The following ZNF416 variants were observed in gnomAD, a reference collection of about 807,000 sequenced individuals.
The protein encoded by ZNF416 is zinc finger protein 416.
A neutral mutation model predicts 10.9 loss-of-function variants in ZNF416; 5 were observed. The ratio of observed to expected loss-of-function variants is 0.46; its 90% CI spans 0.24 to 0.97. The LOEUF is 0.97. ZNF416 is among the 50% of genes least tolerant of loss of function. The pLI is 0.19. For synonymous variants in ZNF416, 267 were observed against 251.8 expected (o/e 1.06, Z -0.57); for missense variants, 675 against 715.0 (o/e 0.94, Z 0.64).
chr19:57,576,329 C>A (rs187921271), intron 2 of ZNF416, among the ~76,000 whole-genome samples: 23 of 152,274 alleles, frequency 1.5e-4, no homozygotes, highest in African/African-American at 5.3e-4. Context: ...GCACATCACT[C>A]TTTGAAGCAC....
chr19:57,573,349 G>GC lies in ZNF416; in HGVS notation c.554dup (p.Ile186HisfsTer9). ...TAGCAATAGCTTGCGGCTGAAGAATGCCCAATGGGGCTAGGAAGTCCTTCC... is the reference window on the plus strand; with the variant it reads ...TAGCAATAGCTTGCGGCTGAAGAATGCCCCAATGGGGCTAGGAAGTCCTTCC... On this transcript the variant is annotated frameshift_variant, in exon 4 of 4. Transcript: ENST00000196489. LOFTEE classifies it low-confidence loss of function (END_TRUNC). The GC allele has an allele frequency of 6.2e-7, 1 of 1,614,250 alleles. No homozygotes were observed. The highest frequency in any genetic ancestry group is 1.6e-4 in the Middle Eastern group (1 of 6,062).
intron 1 of ZNF416, 68 bp downstream of exon 1, chr19:57,578,592 ACGCAAGCAGGCG>A: frequency 7.1e-7 from 1 of 1,407,596 alleles, no homozygotes; most frequent in South Asian, 1.5e-5. Flanking sequence ...GGCTGCAGGG[ACGCAAGCAGGCG>A]CCCCTCATGC....
At chr19:57,578,496 T>C in intron 1 of ZNF416, 176 bp downstream of exon 1, 1 of 673,056 alleles carries the variant, frequency 1.5e-6, no homozygotes, top group Non-Finnish European at 2.3e-6. Context: ...CCCCTCCGCC[T>C]GCCACACCCT....
rs1491111421 is a variant in ZNF416 at position 57,572,186 on chromosome 19, G to GA, written c.1717_1718insT (p.Thr573IlefsTer7). On this transcript the variant is annotated frameshift_variant, in exon 4 of 4. Coordinates refer to ENST00000196489, the MANE Select transcript of ZNF416 (RefSeq NM_017879.3). LOFTEE classifies it low-confidence loss of function (END_TRUNC). This position sits in a 1 kb window ranked among gnomAD's most constrained non-coding sequence, Gnocchi z 4.5. ...GCTGCTGTCACGAGGCCTCTCCACA[G>GA]TGTGAGATTTTCGGTGGAGAATGAG... is the stretch of plus-strand genomic sequence containing the variant. 2.5e-6 allele frequency: 4 copies of GA among 1,614,224 alleles called. No homozygotes were observed. The highest frequency in any genetic ancestry group is 3.4e-6 in the Non-Finnish European group (4 of 1,180,034).
chr19:57,578,625 A>G (rs781517484), intron 1 of ZNF416, 47 bp downstream of exon 1: 2 of 1,510,828 alleles, frequency 1.3e-6, no homozygotes, highest in African/African-American at 2.9e-5. Flanking sequence ...AGGGTGTTGG[A>G]TTTCCGGCGG....
chr19:57,578,367 G>T (rs1359904748), intron 1 of ZNF416: 2 of 571,740 alleles, frequency 3.5e-6, no homozygotes, highest in Non-Finnish European at 6.2e-6. Flanking sequence ...CAGACCATGT[G>T]CCTCGTCTGT....
chr19:57,577,965 CAA>C, intron 2 of ZNF416, 90 bp downstream of exon 2: 1 of 1,411,686 alleles, frequency 7.1e-7, no homozygotes, highest in South Asian at 1.2e-5. Context: ...ACCAAGGACC[CAA>C]AGAGTGCCAA....
intron 2 of ZNF416, among the ~76,000 whole-genome samples, chr19:57,577,719 C>T (rs1347381330): frequency 1.3e-5 from 2 of 152,214 alleles, no homozygotes; most frequent in African/African-American, 2.4e-5. Context: ...CGACAACTGA[C>T]AGCCATTTTT....
intron 3 of ZNF416, among the ~76,000 whole-genome samples, chr19:57,574,393 C>T (rs1297585108): frequency 1.3e-5 from 2 of 152,246 alleles, no homozygotes; most frequent in East Asian, 1.9e-4. Flanking sequence ...CTTCTACCTT[C>T]TGACCACTGA....
At chr19:57,576,343 C>G (rs1978534007) in intron 2 of ZNF416, among the ~76,000 whole-genome samples, 1 of 152,124 alleles carries the variant, frequency 6.6e-6, no homozygotes, top group Admixed American at 6.5e-5. Context: ...GAAGCACACA[C>G]TCTCTCAAAC....
rs778858372 is a variant in ZNF416, at chr19:57,573,593, T to C, written c.311A>G (p.Gln104Arg). The C allele has an allele frequency of 2.5e-6, 4 of 1,614,190 alleles. No homozygotes were observed. Among genetic ancestry groups the C allele is most frequent in the Middle Eastern group, 1.6e-4 (1 of 6,062 alleles). Residue 104 changes from glutamine (Q) to arginine (R), a missense_variant, in exon 4 of 4, where the codon CAA (glutamine) becomes CGA (arginine). Coordinates refer to ENST00000196489, the MANE Select transcript of ZNF416 (RefSeq NM_017879.3). ...GAATGGGACACACATGTCACAGGATTGAATCTTCTGGGTGGATGGACTGGC... is the reference window on the plus strand; with the variant it reads ...GAATGGGACACACATGTCACAGGATCGAATCTTCTGGGTGGATGGACTGGC... The part of the protein sequence containing the change: ...PEASPSTQKI[Q>R]SCDMCVPFLT...
At chr19:57,577,920 G>T (rs1308795257) in intron 2 of ZNF416, 137 bp downstream of exon 2, 2 of 880,568 alleles carry the variant, frequency 2.3e-6, no homozygotes, top group East Asian at 4.9e-5. Context: ...CTGGATGTAT[G>T]ACCCTGGGAC....
At chr19:57,576,612 C>T (rs1011199198) in intron 2 of ZNF416, among the ~76,000 whole-genome samples, 1 of 151,968 alleles carries the variant, frequency 6.6e-6, no homozygotes, top group Non-Finnish European at 1.5e-5. Flanking sequence ...ACCGATGGCC[C>T]TCTTGCACTA....
rs1978396599 is a variant in ZNF416, at chr19:57,573,436, G to A, written c.468C>T (p.Ala156=). ...GGAACAGGCAGCACTGCACAAATGA[G>A]GCCTTGTCCATGTCACTTTCCAAGG... ...EKPLESDMDK[A]SFVQCCLFHE... The change falls in exon 4 of 4, where the codon GCC becomes GCT. Residue 156 remains alanine, a synonymous_variant. Coordinates refer to ENST00000196489, the MANE Select transcript of ZNF416 (RefSeq NM_017879.3). 1.9e-6 allele frequency: 3 copies of A among 1,614,220 alleles called. No individual in the cohort carries two copies. The highest frequency in any genetic ancestry group is 1.7e-6 in the Non-Finnish European group (2 of 1,180,034).
intron 2 of ZNF416, among the ~76,000 whole-genome samples, chr19:57,576,578 C>T (rs2123397787): frequency 6.6e-6 from 1 of 152,192 alleles, no homozygotes; most frequent in East Asian, 1.9e-4. Context: ...TCCTCAGTCA[C>T]CCAGAAATAC....
At chr19:57,573,914 C>T (rs1258967827) in intron 3 of ZNF416, among the ~76,000 whole-genome samples, 3 of 152,120 alleles carry the variant, frequency 2.0e-5, no homozygotes, top group Non-Finnish European at 4.4e-5. Flanking sequence ...GTGGGTGCTA[C>T]TCAAGAGGCT....
intron 2 of ZNF416, among the ~76,000 whole-genome samples, chr19:57,577,442 A>C (rs1218559328): frequency 2.0e-5 from 3 of 152,060 alleles, no homozygotes; most frequent in African/African-American, 7.2e-5. Flanking sequence ...CTACTTTTCT[A>C]TCTCAAAATC....
Position 57,575,585 on chromosome 19 carries a change from G to A in ZNF416, c.202+219C>T, listed in dbSNP as rs1202616694. 6.6e-6 allele frequency among the ~76,000 whole-genome samples: 1 copy of A among 152,124 alleles called. No homozygotes were observed. Among genetic ancestry groups the A allele is most frequent in the Non-Finnish European group, 1.5e-5 (1 of 68,032 alleles). ...GAAGAAGTAAACGGAGATGCATTAG[G>A]CTGACTCAAGACACCTAACAGCCAG... On this transcript the variant is annotated intron_variant, in intron 3 of 3. Coordinates refer to ENST00000196489, the MANE Select transcript of ZNF416 (RefSeq NM_017879.3). The surrounding 1 kb of genome is among the most constrained non-coding windows in gnomAD (Gnocchi z 4.4).
Position 57,575,511 on chromosome 19 carries a change from T to G in ZNF416, c.202+293A>C, listed in dbSNP as rs1021929199. 6.6e-6 allele frequency among the ~76,000 whole-genome samples: 1 copy of G among 152,122 alleles called. No homozygotes were observed. The highest frequency in any genetic ancestry group is 2.4e-5 in the African/African-American group (1 of 41,430). Reference sequence around the variant, plus strand: ...GAAATGTCATCTAGGAGGCAGAATTTGAGACACAAAGTACCATGAATATGG... The same window carrying G: ...GAAATGTCATCTAGGAGGCAGAATTGGAGACACAAAGTACCATGAATATGG... On this transcript the variant is annotated intron_variant, in intron 3 of 3. Transcript: ENST00000196489. This position sits in a 1 kb window ranked among gnomAD's most constrained non-coding sequence, Gnocchi z 4.4.
Sources: gnomAD v4.1 joint callset for allele counts (sites outside exome capture counted in the v4.1 genomes callset) on GRCh38, gnomAD v4.1.1 for gene constraint, Gnocchi (gnomAD v3.1) non-coding constraint, MANE v1.5 for transcripts, NCBI Gene and HGNC (gene_info 2026-07-23, HGNC 2026-07-21) for gene names.